Variants in DNAH11 observed in about 807,000 individuals in gnomAD.
DNAH11 encodes the protein dynein axonemal heavy chain 11.
Under a neutral mutation model 526.0 loss-of-function variants are expected in DNAH11, and 442 were observed. The ratio of observed to expected loss-of-function variants is 0.84; its 90% CI spans 0.78 to 0.91. The LOEUF is 0.91. Ranked by LOEUF, DNAH11 falls within the 40% of genes least tolerant of loss-of-function variation. The pLI is 0.00. For synonymous variants in DNAH11, 2,461 were observed against 1,935.9 expected (o/e 1.27, Z -7.12); for missense variants, 6,989 against 5,448.7 (o/e 1.28, Z -8.90).
chr7:21,665,962 G>T (rs1017620126), intron 30 of DNAH11, among the ~76,000 whole-genome samples: 2 of 152,088 alleles, frequency 1.3e-5, no homozygotes, highest in African/African-American at 4.8e-5. Flanking sequence ...GTAACCATCT[G>T]CTGGAGTGTG....
intron 2 of DNAH11, among the ~76,000 whole-genome samples, chr7:21,558,182 AGG>A (rs1783298141): frequency 6.6e-6 from 1 of 152,222 alleles, no homozygotes; most frequent in African/African-American, 2.4e-5. Context: ...AGATACTTGA[AGG>A]GAAAGCAAGA....
chr7:21,616,162 C>T (rs7785338), intron 21 of DNAH11, 47 bp from the exon 22 acceptor site: 18,809 of 1,459,358 alleles, frequency 0.013, 145 homozygotes, highest in African/African-American at 0.03. Context: ...CAGAGACTTG[C>T]TTTCACCAAA....
At chr7:21,728,124 A>G (rs1472162953) in intron 45 of DNAH11, among the ~76,000 whole-genome samples, 2 of 151,560 alleles carry the variant, frequency 1.3e-5, no homozygotes, top group Non-Finnish European at 2.9e-5. Context: ...GCTTCAAGAG[A>G]TGAATTTTGG....
At chr7:21,867,445 C>T (rs1783323188) in intron 71 of DNAH11, among the ~76,000 whole-genome samples, 2 of 152,226 alleles carry the variant, frequency 1.3e-5, no homozygotes, top group Admixed American at 1.3e-4. Context: ...TTGAGCCTCC[C>T]TGTGTTAGAA....
At chr7:21,769,742 C>A (rs766454461) in intron 55 of DNAH11, among the ~76,000 whole-genome samples, 2 of 152,106 alleles carry the variant, frequency 1.3e-5, no homozygotes, top group African/African-American at 4.8e-5. Context: ...GCCTCTGCCT[C>A]CCAAAGTGCT....
chr7:21,591,189 T>C lies in DNAH11; in HGVS notation c.2279T>C (p.Ile760Thr). 1 of 1,545,094 alleles carries C rather than the reference T, an allele frequency of 6.5e-7. No individual in the cohort carries two copies. The highest frequency in any genetic ancestry group is 8.7e-7 in the Non-Finnish European group (1 of 1,152,216). The change falls in exon 14 of 82, where the codon ATT becomes ACT. Residue 760 changes from isoleucine to threonine, a missense_variant. By Grantham distance (89) the Ile-to-Thr change is moderately conservative. Transcript: ENST00000409508. The stretch of plus-strand genomic sequence containing the variant: ...TTTGGGGTTTTCTTTGCTCAGTACA[T>C]TGGAAATCTTGACCTTCTTGTGCAA... ...FKKRNTILKYIGNLDLLVQGY... is the reference protein window; with the variant it reads ...FKKRNTILKYTGNLDLLVQGY...
intron 66 of DNAH11, among the ~76,000 whole-genome samples, chr7:21,848,970 C>T (rs1177180923): frequency 6.6e-6 from 1 of 152,216 alleles, no homozygotes; most frequent in African/African-American, 2.4e-5. Flanking sequence ...ACTGCAACCT[C>T]TGCCTCCTTG....
At chr7:21,863,633 T>C (rs1362896170) in intron 69 of DNAH11, among the ~76,000 whole-genome samples, 1 of 152,194 alleles carries the variant, frequency 6.6e-6, no homozygotes, top group Non-Finnish European at 1.5e-5. Context: ...TATGTACTGC[T>C]CATTAATAGA....
chr7:21,771,510 T>G (rs543018708), intron 55 of DNAH11, among the ~76,000 whole-genome samples: 2 of 152,030 alleles, frequency 1.3e-5, no homozygotes, highest in Admixed American at 1.3e-4. Flanking sequence ...ACTGAGAGAG[T>G]AGAAATTAAA....
intron 20 of DNAH11, among the ~76,000 whole-genome samples, chr7:21,613,964 A>G (rs1785649806): frequency 1.4e-5 from 2 of 148,144 alleles, no homozygotes; most frequent in Admixed American, 6.8e-5. Context: ...TTTAATAGAG[A>G]TGAGGTTTTG....
chr7:21,736,573 T>A (rs1412250613), intron 46 of DNAH11, among the ~76,000 whole-genome samples: 1 of 152,234 alleles, frequency 6.6e-6, no homozygotes, highest in Non-Finnish European at 1.5e-5. Context: ...TTTCCTTAGC[T>A]ATATCAGTGG....
At chr7:21,555,715 T>C (rs942428767) in intron 2 of DNAH11, among the ~76,000 whole-genome samples, 1 of 152,210 alleles carries the variant, frequency 6.6e-6, no homozygotes, top group Non-Finnish European at 1.5e-5. Context: ...TGCCTGCTTT[T>C]CTCCCTGTGT....
intron 65 of DNAH11, among the ~76,000 whole-genome samples, chr7:21,827,397 A>C (rs1026249336): frequency 1.3e-5 from 2 of 151,984 alleles, no homozygotes; most frequent in Non-Finnish European, 2.9e-5. Flanking sequence ...TTAATCTTTC[A>C]AATACCCCTA....
intron 30 of DNAH11, among the ~76,000 whole-genome samples, chr7:21,677,643 C>A (rs1782950252): frequency 6.6e-6 from 1 of 152,206 alleles, no homozygotes. Flanking sequence ...CCTGGGCCTC[C>A]CAAAGTGCTG....
At chr7:21,884,738 C>A (rs193212630) in intron 76 of DNAH11, among the ~76,000 whole-genome samples, 1 of 152,100 alleles carries the variant, frequency 6.6e-6, no homozygotes, top group South Asian at 2.1e-4. Flanking sequence ...TTTTCTAGAC[C>A]GAGATGCTGA....
Position 21,900,135 on chromosome 7 carries a change from G to T in DNAH11, c.13303+15G>T. On this transcript the variant is annotated intron_variant, in intron 81 of 81. Coordinates refer to ENST00000409508, the MANE Select transcript of DNAH11 (RefSeq NM_001277115.2). ...CTTCATGGAGGGTAAGACACCCCAA[G>T]GGGTAAGTGGGGAACCTTTTCTTAC... 6.3e-7 allele frequency: 1 copy of T among 1,597,004 alleles called. No individual in the cohort carries two copies. The highest frequency in any genetic ancestry group is 8.5e-7 in the Non-Finnish European group (1 of 1,171,326).
chr7:21,858,897 A>T (rs1276026997), intron 68 of DNAH11, among the ~76,000 whole-genome samples: 1 of 152,218 alleles, frequency 6.6e-6, no homozygotes, highest in Non-Finnish European at 1.5e-5. Context: ...ATTTTAAGAA[A>T]GTGTAAATAT....
intron 56 of DNAH11, among the ~76,000 whole-genome samples, chr7:21,777,077 C>T (rs187684653): frequency 2.1e-4 from 32 of 152,200 alleles, no homozygotes; most frequent in Admixed American, 1.5e-3. Flanking sequence ...ACCACACCTA[C>T]GTTACCCCCC....
chr7:21,865,973 G>T (rs1583789301), intron 70 of DNAH11, among the ~76,000 whole-genome samples: 1 of 152,172 alleles, frequency 6.6e-6, no homozygotes, highest in Non-Finnish European at 1.5e-5. Flanking sequence ...ACAACCAGAG[G>T]TCACCCTCAT....
Sources: gnomAD v4.1 joint callset for allele counts (sites outside exome capture counted in the v4.1 genomes callset) on GRCh38, gnomAD v4.1.1 for gene constraint, MANE v1.5 for transcripts, NCBI Gene and HGNC (gene_info 2026-07-23, HGNC 2026-07-21) for gene names.